The following KIF26B variants were observed in gnomAD, a reference collection of about 807,000 sequenced individuals.
KIF26B encodes kinesin family member 26B.
In KIF26B, 63 loss-of-function variants were observed where a neutral mutation model predicts 151.2. The ratio of observed to expected loss-of-function variants is 0.42; its 90% CI spans 0.34 to 0.51. The LOEUF is 0.51. Ranked by LOEUF, KIF26B falls within the 20% of genes least tolerant of loss-of-function variation. The pLI, the probability that KIF26B is intolerant of heterozygous loss-of-function variation, is 0.07. For synonymous variants in KIF26B, 1,357 were observed against 1,262.1 expected (o/e 1.08, Z -1.59); for missense variants, 2,813 against 2,913.6 (o/e 0.97, Z 0.79).
chr1:245,447,944 C>T (rs185511932), intron 4 of KIF26B, among the ~76,000 whole-genome samples: 29 of 152,296 alleles, frequency 1.9e-4, no homozygotes, highest in Admixed American at 5.2e-4. Flanking sequence ...GCTGTGACAC[C>T]GCCTCTTTAA....
At chr1:245,629,667 C>A (rs184368817) in intron 9 of KIF26B, among the ~76,000 whole-genome samples, 8 of 152,200 alleles carry the variant, frequency 5.3e-5, no homozygotes, top group Admixed American at 4.6e-4. Context: ...GCACTACCAG[C>A]CAGGACATAG....
chr1:245,470,427 C>CTTTGTTTTTGTTTTTGTT (rs111747351), intron 4 of KIF26B, among the ~76,000 whole-genome samples: 113 of 151,724 alleles, frequency 7.4e-4, no homozygotes, highest in African/African-American at 2.4e-3. Context: ...CATAATGCCA[C>CTTTGTTTTTGTTTTTGTT]TTTGTTTTTG....
chr1:245,422,273 C>G (rs1435304871), intron 4 of KIF26B, among the ~76,000 whole-genome samples: 6 of 152,092 alleles, frequency 3.9e-5, no homozygotes, highest in Admixed American at 3.9e-4. Flanking sequence ...ACAATTCTTT[C>G]TATAGATTTC....
At chr1:245,383,979 C>A (rs771969915) in intron 3 of KIF26B, among the ~76,000 whole-genome samples, 20 of 152,206 alleles carry the variant, frequency 1.3e-4, no homozygotes, top group Non-Finnish European at 2.5e-4. Context: ...ACTGTGCAGA[C>A]AGCAAAGAGA....
chr1:245,229,588 T>A lies in KIF26B; in HGVS notation c.465+72905T>A, dbSNP rs73127164. 3.4e-3 allele frequency among the ~76,000 whole-genome samples: 513 copies of A among 152,354 alleles called. 2 individuals are homozygous for A. Among genetic ancestry groups the A allele is most frequent in the African/African-American group, 0.012 (499 of 41,590 alleles). On this transcript the variant is annotated intron_variant, in intron 2 of 14. Transcript: ENST00000407071. ...TTGTCTTGGCCATCCTGTTGTTCATTAATCTGATGTATACTCACTGTGTTT... is the reference window on the plus strand; with the variant it reads ...TTGTCTTGGCCATCCTGTTGTTCATAAATCTGATGTATACTCACTGTGTTT...
chr1:245,337,402 G>A (rs144024493), intron 2 of KIF26B, among the ~76,000 whole-genome samples: 1,539 of 151,838 alleles, frequency 0.01, 19 homozygotes, highest in Middle Eastern at 0.041. Context: ...GGCTGGTCTC[G>A]AACTCCTGAC....
At chr1:245,204,157 C>G (rs1370441558) in intron 2 of KIF26B, among the ~76,000 whole-genome samples, 1 of 152,120 alleles carries the variant, frequency 6.6e-6, no homozygotes, top group Non-Finnish European at 1.5e-5. Flanking sequence ...GACATACTGG[C>G]TAGGGACATG....
intron 12 of KIF26B, among the ~76,000 whole-genome samples, chr1:245,690,539 A>G (rs1181903865): frequency 6.6e-6 from 1 of 152,236 alleles, no homozygotes. Context: ...TGGTCAGTGA[A>G]CATTATAAAC....
chr1:245,634,220 G>T (rs1277950744), intron 9 of KIF26B, among the ~76,000 whole-genome samples: 2 of 152,184 alleles, frequency 1.3e-5, no homozygotes, highest in African/African-American at 4.8e-5. Context: ...ATTAGTTCTA[G>T]TACCTTTTTT....
intron 5 of KIF26B, among the ~76,000 whole-genome samples, chr1:245,591,303 T>C (rs1314404712): frequency 6.6e-6 from 1 of 152,184 alleles, no homozygotes; most frequent in Non-Finnish European, 1.5e-5. Flanking sequence ...TCATAGTCTT[T>C]CCAGTAGCCT....
At chr1:245,181,387 G>A (rs973745187) in intron 2 of KIF26B, among the ~76,000 whole-genome samples, 1 of 152,064 alleles carries the variant, frequency 6.6e-6, no homozygotes, top group Non-Finnish European at 1.5e-5. Context: ...GTAGGTTATC[G>A]ATTAGCACGG....
chr1:245,374,415 G>C (rs1400530939), intron 3 of KIF26B, among the ~76,000 whole-genome samples: 3 of 151,810 alleles, frequency 2.0e-5, no homozygotes, highest in Non-Finnish European at 4.4e-5. Flanking sequence ...AGGTATACAC[G>C]TGCTCTTCCC....
Position 245,686,891 on chromosome 1 carries a change from G to C in KIF26B, c.3908G>C (p.Cys1303Ser). Reference sequence around the variant, plus strand: ...TGCCACAGTTTCATAGCCCAGACGTGTTTTGGGCACGGGGAGGCAATGGCA... The same window carrying C: ...TGCCACAGTTTCATAGCCCAGACGTCTTTTGGGCACGGGGAGGCAATGGCA... Reference protein sequence around the residue: ...QSCHSFIAQTCFGHGEAMAEP... With the variant: ...QSCHSFIAQTSFGHGEAMAEP... Residue 1303 changes from cysteine (C) to serine (S), a missense_variant, in exon 12 of 15, where the codon TGT becomes TCT. By Grantham distance (112) the Cys-to-Ser change is moderately radical. Around this residue, in one of 3 missense-constraint regions of KIF26B, gnomAD observed 2,060 missense variants for 2,088.6 expected, o/e 0.99. Coordinates refer to ENST00000407071, the MANE Select transcript of KIF26B (RefSeq NM_018012.4). This position sits in a 1 kb window ranked among gnomAD's most constrained non-coding sequence, Gnocchi z 5.6. 1 of 1,613,580 alleles carries C rather than the reference G, an allele frequency of 6.2e-7. No individual in the cohort carries two copies. The highest frequency in any genetic ancestry group is 8.5e-7 in the Non-Finnish European group (1 of 1,179,830).
At chr1:245,700,332 T>C (rs1209920041) in intron 14 of KIF26B, among the ~76,000 whole-genome samples, 1 of 152,170 alleles carries the variant, frequency 6.6e-6, no homozygotes, top group Non-Finnish European at 1.5e-5. Context: ...ACTACACTGC[T>C]TGGCCCAGGA....
At chr1:245,556,284 T>TCCTCCTTCCTCCC (rs1553287949) in intron 5 of KIF26B, among the ~76,000 whole-genome samples, 39,452 of 123,092 alleles carry the variant, frequency 0.32, 7,219 homozygotes, top group Non-Finnish European at 0.37. Flanking sequence ...CTTCTTCTTC[T>TCCTCCTTCCTCCC]TCCTCCTCCT....
intron 5 of KIF26B, among the ~76,000 whole-genome samples, chr1:245,593,219 T>C (rs989035626): frequency 3.9e-5 from 6 of 152,216 alleles, no homozygotes; most frequent in South Asian, 2.1e-4. Context: ...ATGTATAGAA[T>C]GTGCAGGTTT....
chr1:245,620,412 T>G (rs1299572680), intron 9 of KIF26B, among the ~76,000 whole-genome samples: 1 of 152,096 alleles, frequency 6.6e-6, no homozygotes, highest in Non-Finnish European at 1.5e-5. Context: ...AAAAATTTTT[T>G]TTTTTGAGAC....
chr1:245,208,505 C>T (rs1050909238), intron 2 of KIF26B, among the ~76,000 whole-genome samples: 1 of 152,170 alleles, frequency 6.6e-6, no homozygotes, highest in Non-Finnish European at 1.5e-5. Context: ...TGCTGCTTGA[C>T]GCTCATTTTC....
At chr1:245,419,549 A>C (rs1161933654) in intron 3 of KIF26B, 30 bp from the exon 4 acceptor site, 1 of 1,586,426 alleles carries the variant, frequency 6.3e-7, no homozygotes, top group Admixed American at 1.7e-5. Flanking sequence ...AGCCACAGGT[A>C]ATGAGCTCCG....
Sources: gnomAD v4.1 joint callset for allele counts (sites outside exome capture counted in the v4.1 genomes callset) on GRCh38, gnomAD v4.1.1 for gene constraint, gnomAD v4.1.1 regional missense constraint, Gnocchi (gnomAD v3.1) non-coding constraint, MANE v1.5 for transcripts, NCBI Gene and HGNC (gene_info 2026-07-23, HGNC 2026-07-21) for gene names.